MAML2: variants seen among roughly 807,000 people sequenced by gnomAD.
MAML2 encodes the protein mastermind like transcriptional coactivator 2.
A neutral mutation model predicts 96.1 loss-of-function variants in MAML2; 22 were observed. That is an observed-to-expected ratio of 0.23 (90% CI 0.16 to 0.33). The LOEUF (loss-of-function observed/expected upper bound fraction) is 0.33, where lower values mean the gene tolerates loss of function less well. MAML2 is among the 10% of genes least tolerant of loss of function. The pLI is 1.00. For synonymous variants in MAML2, 561 were observed against 521.3 expected (o/e 1.08, Z -1.04); for missense variants, 1,367 against 1,392.4 (o/e 0.98, Z 0.29).
chr11:96,148,540 C>T (rs12786849), intron 1 of MAML2, among the ~76,000 whole-genome samples: 14,990 of 151,542 alleles, frequency 0.099, 1,021 homozygotes, highest in Non-Finnish European at 0.15. Flanking sequence ...TGCAGGGTGC[C>T]TACCCGCCTG....
At chr11:96,139,647 T>A (rs1778075970) in intron 1 of MAML2, among the ~76,000 whole-genome samples, 1 of 152,094 alleles carries the variant, frequency 6.6e-6, no homozygotes, top group African/African-American at 2.4e-5. Flanking sequence ...AAAGGTGATT[T>A]GACAGCAGGA....
chr11:96,021,957 CTG>C (rs1419583607), intron 2 of MAML2, among the ~76,000 whole-genome samples: 1 of 152,142 alleles, frequency 6.6e-6, no homozygotes, highest in African/African-American at 2.4e-5. Context: ...GGCTTTGCCT[CTG>C]TTCTTGAAAC....
intron 1 of MAML2, among the ~76,000 whole-genome samples, chr11:96,267,948 G>A (rs2135977977): frequency 6.6e-6 from 1 of 152,302 alleles, no homozygotes; most frequent in Middle Eastern, 3.4e-3. Flanking sequence ...TATAGGAAGA[G>A]GCATTTGACA....
intron 1 of MAML2, among the ~76,000 whole-genome samples, chr11:96,267,693 C>T (rs1201921264): frequency 6.6e-6 from 1 of 152,164 alleles, no homozygotes; most frequent in Non-Finnish European, 1.5e-5. Flanking sequence ...CTGTTCTGAC[C>T]TCCCTACAGG....
chr11:96,235,242 G>T (rs1489134910), intron 1 of MAML2, among the ~76,000 whole-genome samples: 1 of 151,988 alleles, frequency 6.6e-6, no homozygotes, highest in East Asian at 1.9e-4. Flanking sequence ...TGACTCAAGG[G>T]CCAAATCTGG....
intron 1 of MAML2, among the ~76,000 whole-genome samples, chr11:96,195,004 T>C (rs1488719220): frequency 1.3e-5 from 2 of 152,232 alleles, no homozygotes. Context: ...GAACTTGTTT[T>C]TCTGACTGTG....
At chr11:96,059,501 G>A (rs776445816) in intron 2 of MAML2, among the ~76,000 whole-genome samples, 1 of 152,166 alleles carries the variant, frequency 6.6e-6, no homozygotes, top group Non-Finnish European at 1.5e-5. Flanking sequence ...TCAATGTTAT[G>A]TAATAAACAT....
intron 2 of MAML2, among the ~76,000 whole-genome samples, chr11:96,058,754 GT>G (rs1355184606): frequency 1.3e-5 from 2 of 152,196 alleles, no homozygotes; most frequent in African/African-American, 4.8e-5. Context: ...TGTTCCATGA[GT>G]TATAGTCCAA....
At chr11:96,190,721 T>C (rs1029578698) in intron 1 of MAML2, among the ~76,000 whole-genome samples, 12 of 152,168 alleles carry the variant, frequency 7.9e-5, no homozygotes, top group Non-Finnish European at 1.3e-4. Context: ...AAATCCCTCT[T>C]CATGGACATA....
At position 96,159,407 on chromosome 11, in the gene MAML2, C is replaced by CTTT. The variant is rs760811590; in HGVS notation, c.514-65893_514-65891dup. 1.3e-3 allele frequency among the ~76,000 whole-genome samples: 117 copies of CTTT among 91,096 alleles called. 5 individuals carry two copies. Among genetic ancestry groups the CTTT allele is most frequent in the African/African-American group, 3.7e-3 (84 of 22,684 alleles). The allele number at this position is 91,096 out of a possible 152,430, so 59.8% of individuals were successfully genotyped here. On this transcript the variant is annotated intron_variant, in intron 1 of 4. Transcript: ENST00000524717. ...TAACCGTGCCTCTAAACCACTGATT[C>CTTT]TTTTTTTTTTTTTTTTTTTTTTTGA...
chr11:96,012,896 T>G (rs1436642136), intron 2 of MAML2, among the ~76,000 whole-genome samples: 3 of 152,220 alleles, frequency 2.0e-5, no homozygotes, highest in African/African-American at 7.2e-5. Context: ...AATTATAAAG[T>G]CAACTAATGC....
chr11:96,146,032 A>T (rs1346010471), intron 1 of MAML2, among the ~76,000 whole-genome samples: 2 of 152,196 alleles, frequency 1.3e-5, no homozygotes, highest in African/African-American at 4.8e-5. Flanking sequence ...GTATACTTAC[A>T]CGTGTGTGTG....
intron 1 of MAML2, among the ~76,000 whole-genome samples, chr11:96,271,064 A>G (rs1862910501): frequency 6.6e-6 from 1 of 152,106 alleles, no homozygotes; most frequent in Non-Finnish European, 1.5e-5. Flanking sequence ...CGACTCTTGG[A>G]CTTACACCAG....
At chr11:96,299,427 C>T (rs1178361085) in intron 1 of MAML2, among the ~76,000 whole-genome samples, 2 of 151,784 alleles carry the variant, frequency 1.3e-5, no homozygotes, top group Non-Finnish European at 2.9e-5. Flanking sequence ...CAGAGGCTGC[C>T]GGTGCCCTCC....
intron 2 of MAML2, among the ~76,000 whole-genome samples, chr11:96,085,067 A>T (rs1859586969): frequency 6.6e-6 from 1 of 152,188 alleles, no homozygotes. Flanking sequence ...TATTGCTTGG[A>T]GAATTAGGCA....
At chr11:96,037,023 C>A (rs1426833685) in intron 2 of MAML2, among the ~76,000 whole-genome samples, 1 of 152,140 alleles carries the variant, frequency 6.6e-6, no homozygotes, top group African/African-American at 2.4e-5. Context: ...TCTGAGAATA[C>A]CGCCTAGGTT....
At position 96,032,808 on chromosome 11, in the gene MAML2, T is replaced by C. The variant is rs368557530; in HGVS notation, c.2140-41085A>G. ...AAGCCAGTGGCAAAAGGGTATATACTGTCTGATCCCATTTAAACAAAATTC... is the reference window on the plus strand; with the variant it reads ...AAGCCAGTGGCAAAAGGGTATATACCGTCTGATCCCATTTAAACAAAATTC... On this transcript the variant is annotated intron_variant, in intron 2 of 4. Transcript: ENST00000524717. Among the ~76,000 whole-genome samples the C allele has an allele frequency of 3.7e-3, 560 of 152,270 alleles. 6 individuals are homozygous for C. The highest frequency in any genetic ancestry group is 0.018 in the South Asian group (85 of 4,822).
Position 96,006,870 on chromosome 11 carries a change from T to TACAC in MAML2, c.2140-15148_2140-15147insGTGT, listed in dbSNP as rs1491217661. ...CCACCACGCCTGGCCAGGAATATCT[T>TACAC]ATACACACACACACACACACACACA... On this transcript the variant is annotated intron_variant, in intron 2 of 4. Coordinates refer to ENST00000524717, the MANE Select transcript of MAML2 (RefSeq NM_032427.4). Among the ~76,000 whole-genome samples, 340 of 109,884 alleles carry TACAC rather than the reference T, an allele frequency of 3.1e-3. 1 individual carries two copies. The highest frequency in any genetic ancestry group is 0.015 in the Middle Eastern group (3 of 202). 72.1% of individuals were successfully genotyped at this position (109,884 alleles called of 152,430 possible). A position where few individuals can be genotyped will look rare whatever the true frequency, so the allele number is the denominator to read the frequency against.
chr11:96,136,694 C>A (rs1860639290), intron 1 of MAML2, among the ~76,000 whole-genome samples: 2 of 152,154 alleles, frequency 1.3e-5, no homozygotes, highest in Non-Finnish European at 2.9e-5. Context: ...CAGCTGATGA[C>A]ACAGTTCATT....
Sources: allele counts gnomAD v4.1 joint callset (sites outside exome capture counted in the v4.1 genomes callset), GRCh38; gene constraint gnomAD v4.1.1; transcripts MANE v1.5; gene names NCBI Gene and HGNC (gene_info 2026-07-23, HGNC 2026-07-21).